NPSR1: variants seen among roughly 807,000 people sequenced by gnomAD.
The protein encoded by NPSR1 is neuropeptide S receptor.
Under a neutral mutation model 46.9 loss-of-function variants are expected in NPSR1, and 48 were observed. The ratio of observed to expected loss-of-function variants is 1.02; its 90% CI spans 0.81 to 1.30. The LOEUF is 1.30. NPSR1 is among the 50% of genes most tolerant of loss of function. NPSR1 has a pLI of 0.00. For synonymous variants in NPSR1, 176 were observed against 168.1 expected, an observed-to-expected ratio of 1.05 and a Z score of -0.36; for missense variants, 450 against 449.5, an observed-to-expected ratio of 1.00 and a Z score of -0.01.
intron 3 of NPSR1, among the ~76,000 whole-genome samples, chr7:34,792,649 A>G (rs1290673234): frequency 7.4e-5 from 9 of 121,216 alleles, no homozygotes; most frequent in African/African-American, 2.3e-4. Flanking sequence ...GTGTATATAT[A>G]TATGTATATA....
chr7:34,697,681 A>G (rs1793601242), intron 2 of NPSR1, among the ~76,000 whole-genome samples: 1 of 151,806 alleles, frequency 6.6e-6, no homozygotes, highest in Non-Finnish European at 1.5e-5. Context: ...TTGTATTGTT[A>G]TTTTATACTT....
intron 1 of NPSR1, among the ~76,000 whole-genome samples, chr7:34,678,707 T>C (rs55683249): frequency 0.18 from 26,533 of 151,154 alleles, 3,382 homozygotes; most frequent in African/African-American, 0.36. Context: ...TTGCCTGCAG[T>C]CCCATCTACT....
chr7:34,846,098 C>G (rs1057137044), intron 7 of NPSR1, among the ~76,000 whole-genome samples: 4 of 152,172 alleles, frequency 2.6e-5, no homozygotes, highest in African/African-American at 9.7e-5. Flanking sequence ...CATATACAAC[C>G]CACCAGGGCT....
At chr7:34,823,163 G>T (rs947536786) in intron 4 of NPSR1, among the ~76,000 whole-genome samples, 3 of 151,974 alleles carry the variant, frequency 2.0e-5, no homozygotes, top group African/African-American at 7.2e-5. Flanking sequence ...GGCTGAGGTG[G>T]GTGGATCACT....
intron 8 of NPSR1, among the ~76,000 whole-genome samples, chr7:34,855,988 G>C (rs971666863): frequency 3.9e-5 from 6 of 152,058 alleles, no homozygotes; most frequent in African/African-American, 1.4e-4. Context: ...ACAAACTTGG[G>C]ATAGAAGACA....
At chr7:34,776,119 T>C (rs1242233645) in intron 2 of NPSR1, among the ~76,000 whole-genome samples, 1 of 152,178 alleles carries the variant, frequency 6.6e-6, no homozygotes, top group Non-Finnish European at 1.5e-5. Context: ...TTTTATTTTG[T>C]TTTAATGTTT....
intron 8 of NPSR1, 133 bp from the exon 9 acceptor site, chr7:34,849,432 T>A: frequency 6.3e-7 from 1 of 1,585,380 alleles, no homozygotes. Context: ...GGTCAGGGTA[T>A]TACATGTAAA....
chr7:34,812,669 C>T (rs34073591), intron 4 of NPSR1, among the ~76,000 whole-genome samples: 142 of 152,304 alleles, frequency 9.3e-4, no homozygotes, highest in African/African-American at 3.3e-3. Flanking sequence ...CTGCCTACTG[C>T]TCTGCCCACA....
chr7:34,720,853 G>T (rs17777040), intron 2 of NPSR1, among the ~76,000 whole-genome samples: 18,589 of 151,726 alleles, frequency 0.12, 1,395 homozygotes, highest in Non-Finnish European at 0.16. Context: ...TCATCAAGTC[G>T]GAAAAGAAAT....
At chr7:34,811,929 C>T in intron 4 of NPSR1, 66 bp downstream of exon 4, 4 of 997,580 alleles carry the variant, frequency 4.0e-6, no homozygotes, top group Non-Finnish European at 4.7e-6. Context: ...GGATCATTTT[C>T]ACTAATATTT....
At chr7:34,860,026 A>G (rs1001467623) in intron 8 of NPSR1, among the ~76,000 whole-genome samples, 1 of 151,870 alleles carries the variant, frequency 6.6e-6, no homozygotes, top group Non-Finnish European at 1.5e-5. Flanking sequence ...GATATCTGCT[A>G]GTAAAACTCA....
chr7:34,662,047 A>T (rs1791477727), intron 1 of NPSR1, among the ~76,000 whole-genome samples: 1 of 152,170 alleles, frequency 6.6e-6, no homozygotes, highest in African/African-American at 2.4e-5. Context: ...TTAATGAGAA[A>T]CCTAATTAGA....
intron 4 of NPSR1, among the ~76,000 whole-genome samples, chr7:34,813,118 A>G (rs1468068115): frequency 6.6e-6 from 1 of 152,092 alleles, no homozygotes; most frequent in Admixed American, 6.6e-5. Flanking sequence ...GCATGTATAC[A>G]TATGTGATGT....
chr7:34,701,304 C>A (rs963996175), intron 2 of NPSR1, among the ~76,000 whole-genome samples: 6 of 152,150 alleles, frequency 3.9e-5, no homozygotes, highest in African/African-American at 1.2e-4. Flanking sequence ...TATTAATCAG[C>A]AAAGATACAC....
intron 2 of NPSR1, among the ~76,000 whole-genome samples, chr7:34,747,655 C>T (rs192719213): frequency 5.5e-4 from 83 of 152,230 alleles, no homozygotes; most frequent in Admixed American, 1.2e-3. Flanking sequence ...CGAGCACCCA[C>T]GCACGCATGT....
chr7:34,682,283 G>A (rs73691487), intron 1 of NPSR1, among the ~76,000 whole-genome samples: 25,384 of 152,160 alleles, frequency 0.17, 2,968 homozygotes, highest in African/African-American at 0.33. Flanking sequence ...GCTCATTCCA[G>A]AGACTGAAAG....
At chr7:34,658,765 C>T (rs964429606) in intron 1 of NPSR1, among the ~76,000 whole-genome samples, 3 of 152,126 alleles carry the variant, frequency 2.0e-5, no homozygotes, top group African/African-American at 4.8e-5. Flanking sequence ...ATACAGGTGA[C>T]GTTTTTCTTT....
At chr7:34,762,541 G>C (rs1183705836) in intron 2 of NPSR1, among the ~76,000 whole-genome samples, 1 of 152,112 alleles carries the variant, frequency 6.6e-6, no homozygotes, top group Non-Finnish European at 1.5e-5. Flanking sequence ...AGCATTCAGT[G>C]TTTAAAAAAG....
intron 7 of NPSR1, 135 bp downstream of exon 7, chr7:34,845,117 A>C: frequency 1.4e-6 from 1 of 690,570 alleles, no homozygotes; most frequent in Non-Finnish European, 2.7e-6. Flanking sequence ...GAATGTGTGA[A>C]ACTCATCAGC....
Sources: gnomAD v4.1 joint callset for allele counts (sites outside exome capture counted in the v4.1 genomes callset) on GRCh38, gnomAD v4.1.1 for gene constraint, MANE v1.5 for transcripts, NCBI Gene and HGNC (gene_info 2026-07-23, HGNC 2026-07-21) for gene names.